MTMR7: variants seen among roughly 807,000 people sequenced by gnomAD.
MTMR7 encodes the protein phosphatidylinositol-3-phosphate phosphatase MTMR7.
MTMR7 carries 76 observed loss-of-function variants against 81.2 expected under a neutral mutation model. The observed-to-expected ratio is 0.94, with a 90% CI of 0.78 to 1.13. MTMR7 has a LOEUF of 1.13. Ranked by LOEUF, MTMR7 falls within the 50% of genes most tolerant of loss-of-function variation. The pLI, the probability that MTMR7 is intolerant of heterozygous loss-of-function variation, is 0.00. For synonymous variants in MTMR7, 372 were observed against 289.8 expected (o/e 1.28, Z -2.88); for missense variants, 1,044 against 820.0 (o/e 1.27, Z -3.34).
At chr8:17,327,169 G>C (rs1818724832) in intron 7 of MTMR7, among the ~76,000 whole-genome samples, 1 of 152,170 alleles carries the variant, frequency 6.6e-6, no homozygotes, top group Admixed American at 6.5e-5. Context: ...CTATCAAGAA[G>C]GTGAAGTAAA....
chr8:17,362,699 T>C (rs1330043181), intron 3 of MTMR7, among the ~76,000 whole-genome samples: 1 of 152,206 alleles, frequency 6.6e-6, no homozygotes, highest in Admixed American at 6.5e-5. Context: ...TTCTCCAATA[T>C]ACTTCTTTCT....
At chr8:17,320,137 T>C (rs1818308767) in intron 7 of MTMR7, among the ~76,000 whole-genome samples, 1 of 151,834 alleles carries the variant, frequency 6.6e-6, no homozygotes, top group Non-Finnish European at 1.5e-5. Context: ...AATATAAATA[T>C]ATATATTTAC....
chr8:17,339,790 A>C (rs1563345738), intron 6 of MTMR7, among the ~76,000 whole-genome samples: 1 of 152,174 alleles, frequency 6.6e-6, no homozygotes, highest in Admixed American at 6.5e-5. Flanking sequence ...TCATATGGTA[A>C]CTCTATTTTT....
At chr8:17,300,388 A>G in intron 13 of MTMR7, 164 bp from the exon 14 acceptor site, 1 of 685,794 alleles carries the variant, frequency 1.5e-6, no homozygotes, top group South Asian at 2.1e-5. Flanking sequence ...CTTGGACAAA[A>G]TCTGTGAGGC....
At chr8:17,358,642 A>C (rs1176088642) in intron 4 of MTMR7, among the ~76,000 whole-genome samples, 1 of 152,190 alleles carries the variant, frequency 6.6e-6, no homozygotes, top group East Asian at 1.9e-4. Context: ...ACATTCCCCA[A>C]ATATGAATTC....
chr8:17,299,894 C>T lies in MTMR7; in HGVS notation c.1951G>A (p.Asp651Asn), dbSNP rs1563309289. ...GTGAGAAACACGGCTTCATCAGAAT[C>T]CCGGTCCTTGCCACTATCTTCACTC... is the stretch of plus-strand genomic sequence containing the variant. ...APSEDSGKDR[D>N]SDEAVFLTA The change falls in exon 14 of 14, where the codon GAT becomes AAT. Residue 651 changes from aspartate (D) to asparagine (N), a missense_variant. Asp to Asn is a conservative substitution (Grantham distance 23). Transcript: ENST00000180173. The T allele has an allele frequency of 6.2e-7, 1 of 1,614,124 alleles. No homozygotes were observed. Among genetic ancestry groups the T allele is most frequent in the Non-Finnish European group, 8.5e-7 (1 of 1,179,994 alleles).
At chr8:17,310,270 G>A (rs1817709913) in intron 9 of MTMR7, among the ~76,000 whole-genome samples, 1 of 152,016 alleles carries the variant, frequency 6.6e-6, no homozygotes, top group South Asian at 2.1e-4. Flanking sequence ...CAAAATGCTG[G>A]GATTACAGGT....
intron 1 of MTMR7, among the ~76,000 whole-genome samples, chr8:17,382,339 C>T (rs1334702007): frequency 6.6e-6 from 1 of 152,204 alleles, no homozygotes; most frequent in African/African-American, 2.4e-5. Flanking sequence ...TTTTCATTTT[C>T]CAGATTCCTT....
At chr8:17,362,485 C>T (rs1251852060) in intron 3 of MTMR7, among the ~76,000 whole-genome samples, 1 of 152,136 alleles carries the variant, frequency 6.6e-6, no homozygotes, top group East Asian at 1.9e-4. Flanking sequence ...ATTGATGGTC[C>T]TCATTTTACC....
At position 17,309,277 on chromosome 8, in the gene MTMR7, C is replaced by T. The variant is rs371875661; in HGVS notation, c.1151G>A (p.Arg384Gln). 14 of 1,525,090 alleles carry T rather than the reference C, an allele frequency of 9.2e-6. No homozygotes were observed. The highest frequency in any genetic ancestry group is 8.3e-5 in the African/African-American group (6 of 72,636). 94.5% of individuals were successfully genotyped at this position (1,525,090 alleles called of 1,614,324 possible). ...CAAAACAGTCTTAAATATTACTTAC[C>T]GGTGATTAAACTTATGACCAAAGGA... ...WISFGHKFNH[R>Q]YGNLDGDPKE... is the part of the protein sequence containing the mutation. The change falls in exon 10 of 14, where the codon CGA becomes CAA. Residue 384 changes from arginine to glutamine, a missense_variant and splice_region_variant. By Grantham distance (43) the Arg-to-Gln change is conservative. Transcript: ENST00000180173.
At chr8:17,394,345 T>C (rs185440909) in intron 1 of MTMR7, among the ~76,000 whole-genome samples, 43 of 152,326 alleles carry the variant, frequency 2.8e-4, no homozygotes, top group African/African-American at 1.0e-3. Flanking sequence ...ATCCATGCAA[T>C]GGAATATTAT....
chr8:17,311,660 G>A (rs763613093), intron 8 of MTMR7, 24 bp from the exon 9 acceptor site: 1 of 1,613,790 alleles, frequency 6.2e-7, no homozygotes, highest in Non-Finnish European at 8.5e-7. Context: ...GATCCGCAAA[G>A]AGTCACAAAG....
intron 1 of MTMR7, among the ~76,000 whole-genome samples, chr8:17,381,695 G>C (rs962984202): frequency 2.6e-5 from 4 of 152,194 alleles, no homozygotes; most frequent in African/African-American, 7.2e-5. Context: ...TCTGGGGGAA[G>C]AGATCCAGGG....
At position 17,298,588 on chromosome 8, in the gene MTMR7, TTTAAA is replaced by T. The variant is rs1220712427; in HGVS notation, c.*1269_*1273del. 2 of 152,596 alleles carry T rather than the reference TTTAAA, an allele frequency of 1.3e-5. No individual in the cohort carries two copies. Among genetic ancestry groups the T allele is most frequent in the African/African-American group, 2.4e-5 (1 of 41,472 alleles). 9.5% of individuals were successfully genotyped at this position (152,596 alleles called of 1,614,324 possible). The stretch of plus-strand genomic sequence containing the variant: ...CAAAATATTGATGTAAATTGTAAAG[TTTAAA>T]TTAATCCTTTCACATATTCAAAATA... On this transcript the variant is annotated 3_prime_UTR_variant, in exon 14 of 14. Transcript: ENST00000180173.
rs1375519203 is a variant in MTMR7, at chr8:17,413,259, T to G, written c.24+10A>C. ...CCCGTCCCTCCTCCGCCCGCGCTGG[T>G]GTCACCAACCTTGGGCGTACGGATG... On this transcript the variant is annotated intron_variant, in intron 1 of 13. Coordinates refer to ENST00000180173, the MANE Select transcript of MTMR7 (RefSeq NM_004686.5). 1 of 1,548,214 alleles carries G rather than the reference T, an allele frequency of 6.5e-7. No homozygotes were observed. The highest frequency in any genetic ancestry group is 8.7e-7 in the Non-Finnish European group (1 of 1,145,062).
In MTMR7 at chr8:17,408,116, C is replaced by T. The variant is rs189093207; in HGVS notation, c.24+5153G>A. ...GCAAGAACATCATGGAGAGGCCGGGCGCGGTGGCTCACGCCTGTAATCCCA... is the reference window on the plus strand; with the variant it reads ...GCAAGAACATCATGGAGAGGCCGGGTGCGGTGGCTCACGCCTGTAATCCCA... On this transcript the variant is annotated intron_variant, in intron 1 of 13. Transcript: ENST00000180173. Among the ~76,000 whole-genome samples the T allele has an allele frequency of 3.3e-5, 2 of 59,936 alleles. 1 individual carries two copies. Among genetic ancestry groups the T allele is most frequent in the Non-Finnish European group, 1.1e-4 (2 of 17,884 alleles). 39.3% of individuals were successfully genotyped at this position (59,936 alleles called of 152,430 possible).
At chr8:17,365,568 G>C (rs75936016) in intron 3 of MTMR7, among the ~76,000 whole-genome samples, 1 of 152,132 alleles carries the variant, frequency 6.6e-6, no homozygotes, top group African/African-American at 2.4e-5. Context: ...TTTGCTGTTA[G>C]TGACCAGCAG....
At chr8:17,331,603 ACCAAGTAGT>A (rs1192499970) in intron 6 of MTMR7, among the ~76,000 whole-genome samples, 1 of 152,208 alleles carries the variant, frequency 6.6e-6, no homozygotes, top group Non-Finnish European at 1.5e-5. Flanking sequence ...CTGTGATGGA[ACCAAGTAGT>A]CCAATTTAAT....
At chr8:17,337,225 CGTG>C (rs1819268832) in intron 6 of MTMR7, among the ~76,000 whole-genome samples, 1 of 151,840 alleles carries the variant, frequency 6.6e-6, no homozygotes, top group South Asian at 2.1e-4. Flanking sequence ...ATTAGCCGGG[CGTG>C]GTGGCGGGCA....
Sources: gnomAD v4.1 joint callset for allele counts (sites outside exome capture counted in the v4.1 genomes callset) on GRCh38, gnomAD v4.1.1 for gene constraint, MANE v1.5 for transcripts, NCBI Gene and HGNC (gene_info 2026-07-23, HGNC 2026-07-21) for gene names.